The following SORBS2 variants were observed in gnomAD, a reference collection of about 807,000 sequenced individuals.
SORBS2 encodes sorbin and SH3 domain-containing protein 2.
Under a neutral mutation model 97.7 loss-of-function variants are expected in SORBS2, and 46 were observed. The observed-to-expected ratio is 0.47, with a 90% CI of 0.37 to 0.60. The LOEUF (loss-of-function observed/expected upper bound fraction) is 0.60, where lower values mean the gene tolerates loss of function less well. Ranked by LOEUF, SORBS2 falls within the 20% of genes least tolerant of loss-of-function variation. SORBS2 has a pLI of 0.00. For synonymous variants in SORBS2, 476 were observed against 473.4 expected, an observed-to-expected ratio of 1.01 and a Z score of -0.07; for missense variants, 1,316 against 1,282.3, an observed-to-expected ratio of 1.03 and a Z score of -0.40.
At chr4:185,709,320 T>C (rs79781946) in intron 2 of SORBS2, among the ~76,000 whole-genome samples, 23,951 of 141,032 alleles carry the variant, frequency 0.17, 3,080 homozygotes, top group Non-Finnish European at 0.24. Flanking sequence ...TTTTTTTTTT[T>C]TTTTAGTAAA....
chr4:185,903,440 C>A (rs2099248833), intron 1 of SORBS2, among the ~76,000 whole-genome samples: 1 of 152,070 alleles, frequency 6.6e-6, no homozygotes, highest in African/African-American at 2.4e-5. Flanking sequence ...TACATGAGGC[C>A]AGTAGGAAGA....
At chr4:185,656,786 T>C in exon 1 of SORBS2, 2 of 1,450,880 alleles carry the variant, frequency 1.4e-6, no homozygotes, top group East Asian at 2.7e-5. Flanking sequence ...CACTGAGCAA[T>C]GCTTTGGCAG....
In SORBS2 at chr4:185,951,501, G is replaced by A. The variant is rs549278899; in HGVS notation, c.-338+4695C>T. ...GTGGCAGATACTTCTGGTGTCCTTT[G>A]TACCTTTCTCAACAGCCCTCCCTGA... On this transcript the variant is annotated intron_variant, in intron 1 of 20. Transcript: ENST00000284776. 3.3e-5 allele frequency among the ~76,000 whole-genome samples: 5 copies of A among 152,268 alleles called. No homozygotes were observed. The South Asian group carries it at 1.0e-3, about 32-fold the overall frequency.
chr4:185,925,026 A>G (rs2149938860), intron 1 of SORBS2, among the ~76,000 whole-genome samples: 1 of 152,336 alleles, frequency 6.6e-6, no homozygotes, highest in African/African-American at 2.4e-5. Flanking sequence ...CATTAAAACA[A>G]TGGCCATATT....
intron 1 of SORBS2, among the ~76,000 whole-genome samples, chr4:185,866,946 G>A (rs1340176368): frequency 6.6e-6 from 1 of 152,150 alleles, no homozygotes; most frequent in African/African-American, 2.4e-5. Flanking sequence ...CTAATGAGGA[G>A]AGATCTCCTT....
Position 185,879,170 on chromosome 4 carries a change from C to T in SORBS2, c.-338+77026G>A, listed in dbSNP as rs1337127217. ...ATATCTCCTAATGCTATCCCTCCCC[C>T]CCCCCCACCCCACGACAGGCCCCGG... On this transcript the variant is annotated intron_variant, in intron 1 of 20. Transcript: ENST00000284776. Among the ~76,000 whole-genome samples the T allele has an allele frequency of 1.1e-4, 11 of 98,756 alleles. 1 individual carries two copies. Among genetic ancestry groups the T allele is most frequent in the East Asian group, 7.1e-4 (3 of 4,230 alleles). 64.8% of individuals were successfully genotyped at this position (98,756 alleles called of 152,430 possible). A position where few individuals can be genotyped will look rare whatever the true frequency, so the allele number is the denominator to read the frequency against.
chr4:185,909,072 G>A (rs190733325), intron 1 of SORBS2, among the ~76,000 whole-genome samples: 5 of 152,080 alleles, frequency 3.3e-5, no homozygotes, highest in East Asian at 3.9e-4. Flanking sequence ...AAAAGAAGTC[G>A]TTATATCAAA....
chr4:185,803,962 A>G (rs145510890), intron 1 of SORBS2, among the ~76,000 whole-genome samples: 1 of 152,228 alleles, frequency 6.6e-6, no homozygotes, highest in East Asian at 1.9e-4. Flanking sequence ...CATAACTCAT[A>G]TGTAGTTAAG....
At chr4:185,677,027 T>C (rs745385367) in intron 4 of SORBS2, 12 of 1,550,924 alleles carry the variant, frequency 7.7e-6, no homozygotes, top group Non-Finnish European at 8.7e-6. Context: ...GAGAGGCCGC[T>C]GCAACTGCAG....
intron 4 of SORBS2, 41 bp downstream of exon 15, chr4:185,638,038 T>C (rs1581535266): frequency 1.7e-6 from 2 of 1,169,406 alleles, no homozygotes; most frequent in South Asian, 1.2e-5. Context: ...TCAAACAGTA[T>C]ACTCCTAGTT....
intron 2 of SORBS2, 96 bp downstream of exon 11, chr4:185,651,686 CAT>C (rs1268264105): frequency 1.3e-5 from 10 of 767,348 alleles, no homozygotes; most frequent in Middle Eastern, 2.3e-4. Flanking sequence ...GAACTGAAAA[CAT>C]GTGCTCAAAC....
chr4:185,889,159 AG>A (rs1305971627), intron 1 of SORBS2, among the ~76,000 whole-genome samples: 1 of 152,170 alleles, frequency 6.6e-6, no homozygotes, highest in African/African-American at 2.4e-5. Context: ...CTTTCCAACT[AG>A]GTTTTAATGT....
chr4:185,640,123 T>C (rs556567036), intron 4 of SORBS2, among the ~76,000 whole-genome samples: 19 of 152,304 alleles, frequency 1.2e-4, no homozygotes, highest in South Asian at 8.3e-4. Flanking sequence ...TTACAGACAA[T>C]GATAGAAAAG....
At chr4:185,845,203 A>G (rs1018701135) in intron 1 of SORBS2, among the ~76,000 whole-genome samples, 5 of 151,920 alleles carry the variant, frequency 3.3e-5, no homozygotes, top group African/African-American at 1.2e-4. Flanking sequence ...AATTTTTTGT[A>G]GAGACAGAGT....
intron 1 of SORBS2, among the ~76,000 whole-genome samples, chr4:185,944,212 C>T (rs920785750): frequency 6.6e-6 from 1 of 152,152 alleles, no homozygotes; most frequent in Non-Finnish European, 1.5e-5. Context: ...AAATCTTCTG[C>T]AAATTCTAAG....
At chr4:185,930,491 G>C (rs1207559554) in intron 1 of SORBS2, among the ~76,000 whole-genome samples, 1 of 151,964 alleles carries the variant, frequency 6.6e-6, no homozygotes, top group African/African-American at 2.4e-5. Flanking sequence ...GTACAGACAG[G>C]GTTTCACCGT....
intron 2 of SORBS2, among the ~76,000 whole-genome samples, chr4:185,730,504 C>A (rs2153570815): frequency 6.6e-6 from 1 of 152,270 alleles, no homozygotes; most frequent in African/African-American, 2.4e-5. Context: ...GTCCATCTGG[C>A]CGCACCACTG....
chr4:185,588,847 T>C (rs928994495), intron 14 of SORBS2, among the ~76,000 whole-genome samples: 1 of 152,124 alleles, frequency 6.6e-6, no homozygotes, highest in Admixed American at 6.6e-5. Context: ...ACTCCTGGCC[T>C]CAGGTAATCC....
intron 2 of SORBS2, among the ~76,000 whole-genome samples, chr4:185,759,536 A>G (rs2098852580): frequency 1.3e-5 from 2 of 152,192 alleles, no homozygotes; most frequent in Non-Finnish European, 1.5e-5. Context: ...CAAAAATCTC[A>G]TAATAGTGAA....
Sources: allele counts gnomAD v4.1 joint callset (sites outside exome capture counted in the v4.1 genomes callset), GRCh38; gene constraint gnomAD v4.1.1; transcripts MANE v1.5; gene names NCBI Gene and HGNC (gene_info 2026-07-23, HGNC 2026-07-21).